Variants in ASAP1 observed in about 807,000 individuals in gnomAD.
ASAP1 encodes the protein arf-GAP with SH3 domain, ANK repeat and PH domain-containing protein 1.
A neutral mutation model predicts 145.2 loss-of-function variants in ASAP1; 43 were observed. The ratio of observed to expected loss-of-function variants is 0.30; its 90% CI spans 0.23 to 0.38. The LOEUF (loss-of-function observed/expected upper bound fraction) is 0.38, where lower values mean the gene tolerates loss of function less well. ASAP1 is among the 10% of genes least tolerant of loss of function. The probability of loss-of-function intolerance (pLI) is 1.00; values close to 1 mark genes in which losing one functional copy is unlikely to be tolerated. For synonymous variants in ASAP1, 546 were observed against 515.5 expected (o/e 1.06, Z -0.80); for missense variants, 1,018 against 1,355.3 (o/e 0.75, Z 3.91).
chr8:130,235,220 T>C (rs1818144925), intron 4 of ASAP1, among the ~76,000 whole-genome samples: 1 of 152,140 alleles, frequency 6.6e-6, no homozygotes, highest in Non-Finnish European at 1.5e-5. Context: ...CTATGGTTTA[T>C]TTAATAAATC....
chr8:130,062,303 A>C (rs990935289), intron 27 of ASAP1, among the ~76,000 whole-genome samples: 1 of 152,244 alleles, frequency 6.6e-6, no homozygotes, highest in Non-Finnish European at 1.5e-5. Flanking sequence ...TTCTTAAAGA[A>C]GGAGAAGAAA....
intron 2 of ASAP1, among the ~76,000 whole-genome samples, chr8:130,399,588 G>T (rs1432077055): frequency 1.3e-5 from 2 of 152,088 alleles, no homozygotes; most frequent in Admixed American, 6.6e-5. Flanking sequence ...TGGCCTCTCT[G>T]CCTCCAGCCT....
intron 3 of ASAP1, among the ~76,000 whole-genome samples, chr8:130,257,746 T>C (rs1035038611): frequency 1.3e-5 from 2 of 151,584 alleles, no homozygotes; most frequent in Non-Finnish European, 2.9e-5. Context: ...AAAATGTTTC[T>C]TTAACACAAT....
intron 1 of ASAP1, among the ~76,000 whole-genome samples, chr8:130,403,566 T>TTC (rs1283180985): frequency 6.6e-6 from 1 of 150,392 alleles, no homozygotes; most frequent in Non-Finnish European, 1.5e-5. Context: ...TTTTTTTTTT[T>TTC]TTTTTGTGAG....
Position 130,060,702 on chromosome 8 carries a change from T to C in ASAP1, c.3069A>G (p.Pro1023=), listed in dbSNP as rs748337712. The part of the protein sequence containing the change: ...QPSEVTLKSH[P]LDLSPNVQSR... The stretch of plus-strand genomic sequence containing the variant: ...ACTGCACATTTGGGGATAGATCCAA[T>C]GGGTGTGACTTCAGTGTGACCTCAG... Residue 1023 remains proline (P), a synonymous_variant, in exon 28 of 30, where the codon CCA becomes CCG. Transcript: ENST00000518721. 1.8e-5 allele frequency: 29 copies of C among 1,614,148 alleles called. No individual in the cohort carries two copies. The highest frequency in any genetic ancestry group is 3.3e-5 in the South Asian group (3 of 91,078).
chr8:130,390,936 C>G (rs1045667460), intron 2 of ASAP1, among the ~76,000 whole-genome samples: 8 of 145,086 alleles, frequency 5.5e-5, no homozygotes, highest in African/African-American at 1.3e-4. Context: ...GTATATATCC[C>G]CCGCCCCCCC....
At chr8:130,153,353 A>ACATATG (rs1554834319) in intron 12 of ASAP1, among the ~76,000 whole-genome samples, 15 of 48,542 alleles carry the variant, frequency 3.1e-4, no homozygotes, top group Non-Finnish European at 6.8e-4. Context: ...ATATATATAT[A>ACATATG]TATATGTATA....
chr8:130,058,731 T>C (rs562474903), intron 28 of ASAP1, among the ~76,000 whole-genome samples: 10 of 152,332 alleles, frequency 6.6e-5, no homozygotes, highest in African/African-American at 2.4e-4. Context: ...GTTTTTGTTT[T>C]GCACCTGGCT....
intron 3 of ASAP1, among the ~76,000 whole-genome samples, chr8:130,343,852 A>T (rs1825540410): frequency 6.6e-6 from 1 of 152,236 alleles, no homozygotes; most frequent in Non-Finnish European, 1.5e-5. Flanking sequence ...TTTTTAATGA[A>T]GTGGAAATGT....
At chr8:130,434,249 T>C (rs559385072) in intron 1 of ASAP1, among the ~76,000 whole-genome samples, 2 of 152,208 alleles carry the variant, frequency 1.3e-5, no homozygotes, top group South Asian at 4.1e-4. Context: ...CTGGGAGGAT[T>C]ACTTGAACCT....
chr8:130,363,583 C>G (rs1183888137), intron 2 of ASAP1, among the ~76,000 whole-genome samples: 2 of 152,122 alleles, frequency 1.3e-5, no homozygotes, highest in African/African-American at 4.8e-5. Flanking sequence ...CAGTTTCCAT[C>G]TGGAGTCAGG....
chr8:130,066,101 C>T (rs186405187), intron 27 of ASAP1, among the ~76,000 whole-genome samples: 2 of 152,278 alleles, frequency 1.3e-5, no homozygotes, highest in South Asian at 2.1e-4. Context: ...GTGATACAAT[C>T]GTGGTACAAT....
At position 130,115,664 on chromosome 8, in the gene ASAP1, C is replaced by G. The variant is rs1466823480; in HGVS notation, c.2136G>C (p.Glu712Asp). ...HVEYEWNLRQ[E>D]EIDESDDDLD... ...GATCATCATCGCTCTCATCTATCTC[C>G]TCCTGTCGAAGATTCCACTCATATT... is the stretch of plus-strand genomic sequence containing the variant. Residue 712 changes from glutamate (E) to aspartate (D), a missense_variant, in exon 23 of 30, where the codon GAG (glutamate) becomes GAC (aspartate). Physicochemically the swap from Glu to Asp is conservative, Grantham distance 45 (BLOSUM62 2). Around this residue, in one of 9 missense-constraint regions of ASAP1, gnomAD observed 353 missense variants for 375.4 expected, o/e 0.94. Coordinates refer to ENST00000518721, the MANE Select transcript of ASAP1 (RefSeq NM_018482.4). The G allele has an allele frequency of 6.2e-7, 1 of 1,614,174 alleles. No homozygotes were observed. Among genetic ancestry groups the G allele is most frequent in the Non-Finnish European group, 8.5e-7 (1 of 1,179,986 alleles).
chr8:130,184,935 G>A (rs1329509051), intron 7 of ASAP1, among the ~76,000 whole-genome samples: 4 of 152,110 alleles, frequency 2.6e-5, no homozygotes, highest in African/African-American at 7.2e-5. Flanking sequence ...TTGGCTCAAT[G>A]TCACAAAACT....
chr8:130,275,649 T>C (rs1820836173), intron 3 of ASAP1, among the ~76,000 whole-genome samples: 1 of 152,166 alleles, frequency 6.6e-6, no homozygotes, highest in East Asian at 1.9e-4. Context: ...AAACTATGTA[T>C]ATAAAGATTC....
intron 3 of ASAP1, among the ~76,000 whole-genome samples, chr8:130,264,207 T>C (rs1820108772): frequency 6.6e-6 from 1 of 152,176 alleles, no homozygotes; most frequent in Non-Finnish European, 1.5e-5. Flanking sequence ...AAATCAAGAA[T>C]GCTAGCTAAA....
intron 3 of ASAP1, among the ~76,000 whole-genome samples, chr8:130,286,613 A>G (rs1416996455): frequency 6.6e-6 from 1 of 152,144 alleles, no homozygotes; most frequent in Non-Finnish European, 1.5e-5. Flanking sequence ...GGGTTTAATG[A>G]GTTAAACCAT....
chr8:130,281,520 G>A (rs1456816374), intron 3 of ASAP1, among the ~76,000 whole-genome samples: 1 of 152,138 alleles, frequency 6.6e-6, no homozygotes, highest in Non-Finnish European at 1.5e-5. Flanking sequence ...TCTAGGTACT[G>A]TAAATCTACA....
chr8:130,079,516 T>C (rs1287152971), intron 26 of ASAP1, among the ~76,000 whole-genome samples: 3 of 152,208 alleles, frequency 2.0e-5, no homozygotes, highest in Non-Finnish European at 4.4e-5. Context: ...GATTATCTTT[T>C]CATTTCCAAA....
Sources: allele counts gnomAD v4.1 joint callset (sites outside exome capture counted in the v4.1 genomes callset), GRCh38; gene constraint gnomAD v4.1.1; regional missense constraint gnomAD v4.1.1; transcripts MANE v1.5; gene names NCBI Gene and HGNC (gene_info 2026-07-23, HGNC 2026-07-21).